The following FBXW10B variants were observed in gnomAD, a reference collection of about 807,000 sequenced individuals.
The protein encoded by FBXW10B is F-box and WD repeat domain containing protein 10B.
the FBXW10B span, among the ~76,000 whole-genome samples, chr17:15,579,208 GT>G: frequency 6.6e-6 from 1 of 151,968 alleles, no homozygotes; most frequent in Admixed American, 6.5e-5. Flanking sequence ...CAATCTCCAC[GT>G]TCTGAATGTA....
At chr17:15,602,067 G>A in the FBXW10B span, among the ~76,000 whole-genome samples, 9 of 149,836 alleles carry the variant, frequency 6.0e-5, no homozygotes, top group Admixed American at 2.7e-4. Context: ...AGCTGAGATC[G>A]CACCACTGCA....
the FBXW10B span, among the ~76,000 whole-genome samples, chr17:15,600,584 A>G: frequency 2.6e-5 from 4 of 151,444 alleles, no homozygotes; most frequent in African/African-American, 4.9e-5. Flanking sequence ...AGCCAAAGTC[A>G]TAACAGCAGG....
chr17:15,577,288 T>C, the FBXW10B span, among the ~76,000 whole-genome samples: 54 of 152,274 alleles, frequency 3.5e-4, no homozygotes, highest in South Asian at 0.011. Context: ...CTATTAACCA[T>C]GGTATGAAGA....
At chr17:15,595,113 G>A in the FBXW10B span, among the ~76,000 whole-genome samples, 3 of 152,062 alleles carry the variant, frequency 2.0e-5, no homozygotes, top group African/African-American at 7.2e-5. Context: ...AGGCCGAGGC[G>A]GGCGGATCAC....
chr17:15,617,668 C>A, the FBXW10B span, among the ~76,000 whole-genome samples: 1 of 152,204 alleles, frequency 6.6e-6, no homozygotes, highest in African/African-American at 2.4e-5. Flanking sequence ...TTAAAAGAAA[C>A]TGACACCCCT....
chr17:15,588,650 G>T, the FBXW10B span: 1 of 574,898 alleles, frequency 1.7e-6, no homozygotes. Context: ...AAATCAAGAA[G>T]AGCAGCCAGA....
chr17:15,580,463 G>A, the FBXW10B span, among the ~76,000 whole-genome samples: 1 of 145,678 alleles, frequency 6.9e-6, no homozygotes, highest in South Asian at 2.3e-4. Flanking sequence ...GATCAATCTA[G>A]CTTTTCAATA....
the FBXW10B span, among the ~76,000 whole-genome samples, chr17:15,585,661 A>G: frequency 1.3e-5 from 2 of 152,156 alleles, no homozygotes; most frequent in African/African-American, 4.8e-5. Context: ...TGTGGTGGAG[A>G]AGAACTCTCT....
At chr17:15,577,981 G>A in the FBXW10B span, among the ~76,000 whole-genome samples, 4 of 149,638 alleles carry the variant, frequency 2.7e-5, no homozygotes, top group African/African-American at 5.0e-5. Context: ...AGGAAGGTGA[G>A]AACGGAGAGA....
the FBXW10B span, chr17:15,593,270 G>A: frequency 5.0e-4 from 803 of 1,607,578 alleles, 2 homozygotes; most frequent in African/African-American, 9.9e-3. Flanking sequence ...GGTATCCCAG[G>A]GGAGGAAAAA....
chr17:15,619,386 C>T, the FBXW10B span: 1 of 1,613,860 alleles, frequency 6.2e-7, no homozygotes, highest in South Asian at 1.1e-5. Context: ...CAGAACCACT[C>T]TTTGGTAGAG....
chr17:15,569,126 T>C, the FBXW10B span: 1 of 672,224 alleles, frequency 1.5e-6, no homozygotes, highest in Non-Finnish European at 2.1e-6. Flanking sequence ...TTGATTAATG[T>C]TGATTTCTTT....
the FBXW10B span, chr17:15,596,690 A>G: frequency 1.9e-6 from 3 of 1,607,760 alleles, no homozygotes; most frequent in South Asian, 3.3e-5. Flanking sequence ...AGAGGAAGAC[A>G]TGGGAGTGGG....
chr17:15,569,078 T>G, the FBXW10B span: 3 of 785,180 alleles, frequency 3.8e-6, no homozygotes, highest in Non-Finnish European at 5.2e-6. Context: ...TTTGCTGTGA[T>G]GAAAAGTACT....
At chr17:15,577,072 G>C in the FBXW10B span, among the ~76,000 whole-genome samples, 7 of 148,730 alleles carry the variant, frequency 4.7e-5, no homozygotes, top group Non-Finnish European at 1.0e-4. Flanking sequence ...CCAGGCTAAA[G>C]CTCTGCAGAG....
chr17:15,591,485 C>T, the FBXW10B span, among the ~76,000 whole-genome samples: 6 of 152,086 alleles, frequency 3.9e-5, no homozygotes, highest in Admixed American at 6.6e-5. Flanking sequence ...GACAGGGTTT[C>T]GCCATGTTGC....
At chr17:15,614,221 C>T in the FBXW10B span, among the ~76,000 whole-genome samples, 1 of 152,142 alleles carries the variant, frequency 6.6e-6, no homozygotes, top group Admixed American at 6.5e-5. Context: ...CGGAGTCTCG[C>T]TCTGTCGCCC....
At chr17:15,583,445 C>T in the FBXW10B span, among the ~76,000 whole-genome samples, 5 of 148,562 alleles carry the variant, frequency 3.4e-5, no homozygotes, top group Admixed American at 1.4e-4. Context: ...GCCTTGGCCA[C>T]GAACTGACCA....
the FBXW10B span, among the ~76,000 whole-genome samples, chr17:15,609,821 T>C: frequency 6.6e-6 from 1 of 151,550 alleles, no homozygotes; most frequent in South Asian, 2.1e-4. Context: ...GCTTCTCTGC[T>C]TCTCTCCCTT....
Sources: gnomAD v4.1 joint callset for allele counts (sites outside exome capture counted in the v4.1 genomes callset) on GRCh38, gnomAD v4.1.1 for gene constraint, MANE v1.5 for transcripts, NCBI Gene and HGNC (gene_info 2026-07-23, HGNC 2026-07-21) for gene names.